DGKI: variants seen among roughly 807,000 people sequenced by gnomAD.
DGKI encodes DAG kinase iota.
A neutral mutation model predicts 147.5 loss-of-function variants in DGKI; 55 were observed. The observed-to-expected ratio is 0.37, with a 90% CI of 0.30 to 0.47. The LOEUF is 0.47. Among genes scored for constraint, DGKI ranks in the 20% least tolerant of loss-of-function variants. The pLI, the probability that DGKI is intolerant of heterozygous loss-of-function variation, is 1.00. For missense variants in DGKI, 1,007 were observed against 1,323.8 expected (o/e 0.76, Z 3.71); for synonymous variants, 469 against 477.1 (o/e 0.98, Z 0.22).
At chr7:137,514,946 T>C (rs10254089) in intron 21 of DGKI, among the ~76,000 whole-genome samples, 4,232 of 152,254 alleles carry the variant, frequency 0.028, 88 homozygotes, top group South Asian at 0.073. Flanking sequence ...TCATTACACT[T>C]TGAATAAAAT....
chr7:137,511,364 A>T (rs1816574462), intron 21 of DGKI, among the ~76,000 whole-genome samples: 1 of 152,248 alleles, frequency 6.6e-6, no homozygotes, highest in Non-Finnish European at 1.5e-5. Flanking sequence ...TTCCAAATGG[A>T]GAATATTTGG....
At chr7:137,747,427 A>T (rs1305754860) in intron 1 of DGKI, among the ~76,000 whole-genome samples, 1 of 152,198 alleles carries the variant, frequency 6.6e-6, no homozygotes, top group Non-Finnish European at 1.5e-5. Flanking sequence ...CACTTCAGCT[A>T]TAACAGAAAA....
chr7:137,843,481 T>C (rs1375582047), intron 1 of DGKI: 1 of 965,896 alleles, frequency 1.0e-6, no homozygotes, highest in African/African-American at 1.8e-5. Context: ...AAGGAAAAAA[T>C]TCTCATGGGA....
At chr7:137,842,108 A>G (rs1464422567) in intron 1 of DGKI, among the ~76,000 whole-genome samples, 1 of 152,250 alleles carries the variant, frequency 6.6e-6, no homozygotes, top group Non-Finnish European at 1.5e-5. Context: ...ATCTGATCCT[A>G]CAGTCTTTAA....
In DGKI at chr7:137,487,669, C is replaced by G; in HGVS notation, c.2269G>C (p.Val757Leu). 6.2e-7 allele frequency: 1 copy of G among 1,613,722 alleles called. No homozygotes were observed. The highest frequency in any genetic ancestry group is 8.5e-7 in the Non-Finnish European group (1 of 1,179,740). The change falls in exon 22 of 33, where the codon GTT (valine) becomes CTT (leucine). Residue 757 changes from valine (V) to leucine (L), a missense_variant. By Grantham distance (32) the Val-to-Leu change is conservative. This residue lies in a region of DGKI where 385 missense variants were observed against 445.2 expected (regional missense o/e 0.86). Transcript: ENST00000614521. The part of the protein sequence containing the change: ...REASIPLGIL[V>L]VRGDCDLETC... ...TCCAAATCACAGTCTCCACGCACAACTAGAATACCCAGAGGTATCGCTAAG... is the reference window on the plus strand; with the variant it reads ...TCCAAATCACAGTCTCCACGCACAAGTAGAATACCCAGAGGTATCGCTAAG...
chr7:137,468,680 A>G (rs559251380), intron 24 of DGKI, among the ~76,000 whole-genome samples: 1 of 152,320 alleles, frequency 6.6e-6, no homozygotes, highest in African/African-American at 2.4e-5. Flanking sequence ...CCACTATGCC[A>G]GTTAAAACCC....
intron 20 of DGKI, chr7:137,546,025 C>T: frequency 1.4e-6 from 1 of 691,912 alleles, no homozygotes; most frequent in Non-Finnish European, 2.6e-6. Flanking sequence ...AGACAAGGAA[C>T]AAGCCAGGGG....
chr7:137,725,286 A>C (rs1244645572), intron 1 of DGKI, among the ~76,000 whole-genome samples: 2 of 152,190 alleles, frequency 1.3e-5, no homozygotes, highest in African/African-American at 2.4e-5. Context: ...GTAGCTTCAG[A>C]AGTCTACAGC....
intron 28 of DGKI, among the ~76,000 whole-genome samples, chr7:137,430,128 A>G (rs1455740079): frequency 7.5e-6 from 1 of 133,962 alleles, no homozygotes; most frequent in African/African-American, 2.8e-5. Flanking sequence ...GGCACTATTC[A>G]CAATAGCAAA....
At chr7:137,497,185 A>G (rs970634254) in intron 21 of DGKI, among the ~76,000 whole-genome samples, 6 of 151,942 alleles carry the variant, frequency 3.9e-5, no homozygotes, top group African/African-American at 9.7e-5. Context: ...TCAATCATAG[A>G]AAAAAAAGTT....
intron 12 of DGKI, among the ~76,000 whole-genome samples, chr7:137,589,648 G>A (rs1275836839): frequency 6.6e-6 from 1 of 152,180 alleles, no homozygotes; most frequent in Non-Finnish European, 1.5e-5. Flanking sequence ...ACTGCAAGAA[G>A]GGGTCTTAAA....
At chr7:137,413,542 TTC>T (rs774342089) in intron 28 of DGKI, among the ~76,000 whole-genome samples, 12 of 152,196 alleles carry the variant, frequency 7.9e-5, no homozygotes, top group Admixed American at 2.6e-4. Context: ...ATATTTGGTT[TTC>T]TGTTTCTGCA....
chr7:137,450,231 T>C (rs897327304), intron 27 of DGKI, among the ~76,000 whole-genome samples: 4 of 152,126 alleles, frequency 2.6e-5, no homozygotes, highest in African/African-American at 4.8e-5. Flanking sequence ...ATGCTGACTA[T>C]AGTTAAGGAT....
At chr7:137,587,885 T>G (rs1026302193) in intron 12 of DGKI, among the ~76,000 whole-genome samples, 1 of 152,238 alleles carries the variant, frequency 6.6e-6, no homozygotes, top group Non-Finnish European at 1.5e-5. Context: ...TTGATACTTA[T>G]ATACTAGAAT....
chr7:137,823,577 T>G (rs1325527052), intron 1 of DGKI, among the ~76,000 whole-genome samples: 1 of 152,206 alleles, frequency 6.6e-6, no homozygotes, highest in South Asian at 2.1e-4. Flanking sequence ...CTTCTCCTTC[T>G]TAAAATTGTT....
intron 23 of DGKI, among the ~76,000 whole-genome samples, chr7:137,478,140 T>C (rs1032112508): frequency 2.4e-4 from 37 of 152,064 alleles, no homozygotes; most frequent in African/African-American, 8.9e-4. Context: ...TAAACCAAGA[T>C]TATAAAACCT....
At chr7:137,517,729 T>C (rs75956322) in intron 21 of DGKI, among the ~76,000 whole-genome samples, 6,386 of 152,202 alleles carry the variant, frequency 0.042, 330 homozygotes, top group East Asian at 0.11. Flanking sequence ...CAGTGGTGGA[T>C]AACAGATGAC....
chr7:137,536,650 T>C (rs959078790), intron 20 of DGKI, among the ~76,000 whole-genome samples: 2 of 152,152 alleles, frequency 1.3e-5, no homozygotes, highest in Non-Finnish European at 2.9e-5. Context: ...TTTAAATATC[T>C]GAAAAACTGA....
chr7:137,731,662 T>C (rs1303322114), intron 1 of DGKI, among the ~76,000 whole-genome samples: 1 of 152,124 alleles, frequency 6.6e-6, no homozygotes, highest in Non-Finnish European at 1.5e-5. Context: ...CCTTGCATTC[T>C]TGCCCTTGCC....
Sources: gnomAD v4.1 joint callset for allele counts (sites outside exome capture counted in the v4.1 genomes callset) on GRCh38, gnomAD v4.1.1 for gene constraint, gnomAD v4.1.1 regional missense constraint, MANE v1.5 for transcripts, NCBI Gene and HGNC (gene_info 2026-07-23, HGNC 2026-07-21) for gene names.